The following YIF1B variants were observed in gnomAD, a reference collection of about 807,000 sequenced individuals.
The protein encoded by YIF1B is protein YIF1B.
In YIF1B, 24 loss-of-function variants were observed where a neutral mutation model predicts 34.6. That is an observed-to-expected ratio of 0.69 (90% CI 0.50 to 0.98). The LOEUF (loss-of-function observed/expected upper bound fraction) is 0.98. Ranked by LOEUF, YIF1B falls within the 50% of genes least tolerant of loss-of-function variation. The probability of loss-of-function intolerance (pLI) is 0.00; values close to 1 mark genes in which losing one functional copy is unlikely to be tolerated. For missense variants in YIF1B, 368 were observed against 429.4 expected, an observed-to-expected ratio of 0.86 and a Z score of 1.26; for synonymous variants, 186 against 184.8, an observed-to-expected ratio of 1.01 and a Z score of -0.05.
upstream of YIF1B, chr19:38,319,732 C>A: frequency 2.0e-6 from 1 of 507,978 alleles, no homozygotes; most frequent in Non-Finnish European, 3.4e-6. Context: ...GGGCTCCACC[C>A]TCTCCGAACG....
At position 38,315,797 on chromosome 19, in the gene YIF1B, G is replaced by A. The variant is rs1034339019; in HGVS notation, c.58+63C>T. 1.0e-4 allele frequency: 156 copies of A among 1,524,960 alleles called. No homozygotes were observed. The East Asian group carries it at 3.3e-3, about 32-fold the overall frequency. The allele number at this position is 1,524,960 out of a possible 1,614,324, so 94.5% of individuals were successfully genotyped here. A position where few individuals can be genotyped will look rare whatever the true frequency, so the allele number is the denominator to read the frequency against. On this transcript the variant is annotated intron_variant, in intron 1 of 7. Coordinates refer to ENST00000339413, the MANE Select transcript of YIF1B (RefSeq NM_001039672.3). The stretch of plus-strand genomic sequence containing the variant: ...GTGACCTCTGACCTGCAGTGACCTC[G>A]CCAACCGACGCGGCCGCCCCGCCAC...
intron 1 of YIF1B, 117 bp from the exon 2 acceptor site, chr19:38,309,760 T>TAG: frequency 6.9e-7 from 1 of 1,450,932 alleles, no homozygotes; most frequent in Non-Finnish European, 9.0e-7. Context: ...GTGTCACCAT[T>TAG]AGAGACACTG....
At chr19:38,321,683 A>G (rs1186459945), upstream of YIF1B, among the ~76,000 whole-genome samples, 1 of 152,248 alleles carries the variant, frequency 6.6e-6, no homozygotes, top group Non-Finnish European at 1.5e-5. Flanking sequence ...CTCCCGGCCA[A>G]CAATAGGGGG....
chr19:38,304,913 G>T lies in YIF1B; in HGVS notation c.*439C>A, dbSNP rs760502279. 6.2e-7 allele frequency: 1 copy of T among 1,612,610 alleles called. No individual in the cohort carries two copies. ...AGGCCAAGAAGCCCAAAGTGAAGAA[G>T]AAGGAGAAGGGCAAGAAGGAGAAGG... On this transcript the variant is annotated 3_prime_UTR_variant, in exon 8 of 8. Transcript: ENST00000339413.
upstream of YIF1B, among the ~76,000 whole-genome samples, chr19:38,321,224 G>A (rs560547146): frequency 1.3e-5 from 2 of 152,294 alleles, no homozygotes; most frequent in South Asian, 4.1e-4. Flanking sequence ...GCAAGGACCT[G>A]GCACCGCCAT....
chr19:38,308,355 G>A (rs74498421), intron 5 of YIF1B, among the ~76,000 whole-genome samples: 7,033 of 152,060 alleles, frequency 0.046, 318 homozygotes, highest in East Asian at 0.19. Context: ...AGACCGGAGC[G>A]TGCAGCGGGA....
At chr19:38,309,985 C>CACCCATCA in intron 1 of YIF1B, 1 of 481,860 alleles carries the variant, frequency 2.1e-6, no homozygotes, top group Non-Finnish European at 3.4e-6. Flanking sequence ...TTCATCCATC[C>CACCCATCA]ATCCATCCAG....
chr19:38,309,691 G>A (rs1969232934), intron 1 of YIF1B, 48 bp from the exon 2 acceptor site: 7 of 1,559,746 alleles, frequency 4.5e-6, no homozygotes, highest in South Asian at 1.2e-5. Context: ...GGATAGGTAA[G>A]GGAGACCTGG....
chr19:38,314,616 CTTTTTTTTT>C (rs911022609), intron 1 of YIF1B, among the ~76,000 whole-genome samples: 1 of 82,324 alleles, frequency 1.2e-5, no homozygotes, highest in Non-Finnish European at 2.2e-5. Flanking sequence ...GGATCACCCT[CTTTTTTTTT>C]TTTTTTTTTT....
In YIF1B at chr19:38,304,699, C is replaced by T. The variant is rs894171155; in HGVS notation, c.*653G>A. 6.2e-7 allele frequency: 1 copy of T among 1,613,648 alleles called. No individual in the cohort carries two copies. The highest frequency in any genetic ancestry group is 1.1e-5 in the South Asian group (1 of 91,084). On this transcript the variant is annotated 3_prime_UTR_variant, in exon 8 of 8. Coordinates refer to ENST00000339413, the MANE Select transcript of YIF1B (RefSeq NM_001039672.3). ...CACGGATGTGAAGGTAAGGGGCTCT[C>T]GCCAGCGTCCCCAAGCACGTGCCCT...
rs1477023040 is a variant in YIF1B, at chr19:38,305,505, G to A, written c.792C>T (p.Ile264=). 4 of 1,601,104 alleles carry A rather than the reference G, an allele frequency of 2.5e-6. No individual in the cohort carries two copies. The highest frequency in any genetic ancestry group is 3.4e-6 in the Non-Finnish European group (4 of 1,170,860). Residue 264 remains isoleucine (I), a splice_region_variant and synonymous_variant, in exon 8 of 8, where the codon ATC becomes ATT. Transcript: ENST00000339413. The part of the protein sequence containing the change: ...WCCVAIFVFM[I]RTLRLKILAD... The stretch of plus-strand genomic sequence containing the variant: ...CCAAGATCTTCAGCCGCAGCGTCCG[G>A]ATCTGGGTGGGAAAGAGAGAGAGGA...
At position 38,307,712 on chromosome 19, in the gene YIF1B, G is replaced by A; in HGVS notation, c.580C>T (p.Leu194=). ...AGCACCTCCAGGGTCAGCCAGGCCA[G>A]GGCTGAGCTCGCTTGCAGCCCCAGG... The part of the protein sequence containing the change: ...DLLGLQASSA[L]AWLTLEVLAI... Residue 194 remains leucine, a synonymous_variant, in exon 6 of 8, where the codon CTG becomes TTG. Coordinates refer to ENST00000339413, the MANE Select transcript of YIF1B (RefSeq NM_001039672.3). 5 of 1,613,352 alleles carry A rather than the reference G, an allele frequency of 3.1e-6. No homozygotes were observed. The highest frequency in any genetic ancestry group is 4.2e-6 in the Non-Finnish European group (5 of 1,180,018).
upstream of YIF1B, among the ~76,000 whole-genome samples, chr19:38,321,553 G>A (rs975329371): frequency 2.6e-5 from 4 of 152,236 alleles, no homozygotes; most frequent in African/African-American, 9.6e-5. Flanking sequence ...TCTCTTTGTT[G>A]CCAGGCTCTG....
At position 38,305,123 on chromosome 19, in the gene YIF1B, A is replaced by G. The variant is rs1968945122; in HGVS notation, c.*229T>C. ...AGGAGAGGCTGTCCACGCCATGCCCATCAGGGTTTATTGTTTCTGTAACAG... is the reference window on the plus strand; with the variant it reads ...AGGAGAGGCTGTCCACGCCATGCCCGTCAGGGTTTATTGTTTCTGTAACAG... On this transcript the variant is annotated 3_prime_UTR_variant, in exon 8 of 8. Transcript: ENST00000339413. 2 of 1,436,960 alleles carry G rather than the reference A, an allele frequency of 1.4e-6. No homozygotes were observed. Among genetic ancestry groups the G allele is most frequent in the Non-Finnish European group, 1.9e-6 (2 of 1,079,108 alleles). The allele number at this position is 1,436,960 out of a possible 1,614,324, so 89.0% of individuals were successfully genotyped here.
chr19:38,304,183 C>G lies in YIF1B; in HGVS notation c.*1169G>C. On this transcript the variant is annotated 3_prime_UTR_variant, in exon 8 of 8. Transcript: ENST00000339413. ...CTCAGCATTCCTCCAACGGGCAGGT[C>G]TCAGCGCTCCTCCCCCTGCTCCGCT... 2.0e-5 allele frequency: 31 copies of G among 1,564,124 alleles called. No homozygotes were observed. Among genetic ancestry groups the G allele is most frequent in the Non-Finnish European group, 2.7e-5 (31 of 1,142,254 alleles).
chr19:38,304,413 G>A lies in YIF1B; in HGVS notation c.*939C>T. ...CTCCCAGAAGCCCGGTGTGGGGGCG[G>A]GCCACGGGGGAGATCCCAAGCTCAG... On this transcript the variant is annotated 3_prime_UTR_variant, in exon 8 of 8. Transcript: ENST00000339413. The A allele has an allele frequency of 6.4e-7, 1 of 1,564,822 alleles. No individual in the cohort carries two copies. Among genetic ancestry groups the A allele is most frequent in the Admixed American group, 1.9e-5 (1 of 51,746 alleles).
In YIF1B at chr19:38,307,353, A is replaced by C. The variant is rs973484262; in HGVS notation, c.789+75T>G. ...GTCTCTGGTCTGAACCCCACACCTGACATCCTCTGCTTGGATGCCTGGATG... is the reference window on the plus strand; with the variant it reads ...GTCTCTGGTCTGAACCCCACACCTGCCATCCTCTGCTTGGATGCCTGGATG... On this transcript the variant is annotated intron_variant, in intron 7 of 7. Coordinates refer to ENST00000339413, the MANE Select transcript of YIF1B (RefSeq NM_001039672.3). 2.7e-6 allele frequency: 4 copies of C among 1,491,138 alleles called. No individual in the cohort carries two copies. The South Asian group carries it at 4.7e-5, about 17-fold the overall frequency. 92.4% of individuals were successfully genotyped at this position (1,491,138 alleles called of 1,614,324 possible).
In YIF1B at chr19:38,305,127, G is replaced by C; in HGVS notation, c.*225C>G. The stretch of plus-strand genomic sequence containing the variant: ...GAGGCTGTCCACGCCATGCCCATCA[G>C]GGTTTATTGTTTCTGTAACAGCGGC... On this transcript the variant is annotated 3_prime_UTR_variant, in exon 8 of 8. Transcript: ENST00000339413. 7.0e-7 allele frequency: 1 copy of C among 1,431,364 alleles called. No individual in the cohort carries two copies. Among genetic ancestry groups the C allele is most frequent in the Non-Finnish European group, 9.3e-7 (1 of 1,076,636 alleles). 88.7% of individuals were successfully genotyped at this position (1,431,364 alleles called of 1,614,324 possible). A position where few individuals can be genotyped will look rare whatever the true frequency, so the allele number is the denominator to read the frequency against.
intron 1 of YIF1B, 74 bp from the exon 2 acceptor site, chr19:38,309,717 C>G: frequency 6.6e-7 from 1 of 1,517,664 alleles, no homozygotes; most frequent in Non-Finnish European, 8.8e-7. Flanking sequence ...CTCATTCATC[C>G]CACAGCTCTG....
Sources: gnomAD v4.1 joint callset for allele counts (sites outside exome capture counted in the v4.1 genomes callset) on GRCh38, gnomAD v4.1.1 for gene constraint, MANE v1.5 for transcripts, NCBI Gene and HGNC (gene_info 2026-07-23, HGNC 2026-07-21) for gene names.